Variants in NCOA1 observed in about 807,000 individuals in gnomAD.
NCOA1 encodes Hin-2 protein.
NCOA1 carries 35 observed loss-of-function variants against 150.9 expected under a neutral mutation model. The ratio of observed to expected loss-of-function variants is 0.23; its 90% CI spans 0.18 to 0.31. NCOA1 has a LOEUF of 0.31. Ranked by LOEUF, NCOA1 falls within the 10% of genes least tolerant of loss-of-function variation. The pLI, the probability that NCOA1 is intolerant of heterozygous loss-of-function variation, is 1.00. For synonymous variants in NCOA1, 590 were observed against 630.0 expected (o/e 0.94, Z 0.95); for missense variants, 1,491 against 1,749.3 (o/e 0.85, Z 2.63).
chr2:24,624,301 A>G (rs1669305503), intron 3 of NCOA1, among the ~76,000 whole-genome samples: 2 of 152,234 alleles, frequency 1.3e-5, no homozygotes, highest in Non-Finnish European at 1.5e-5. Flanking sequence ...GGATCCTTAA[A>G]CCAAAAGAAT....
intron 1 of NCOA1, among the ~76,000 whole-genome samples, chr2:24,523,751 C>A (rs1664532220): frequency 6.7e-6 from 1 of 149,706 alleles, no homozygotes; most frequent in Non-Finnish European, 1.5e-5. Context: ...CATGGTCAAA[C>A]CCCATCTCTA....
chr2:24,532,835 A>C (rs1434081116), intron 1 of NCOA1, among the ~76,000 whole-genome samples: 1 of 152,216 alleles, frequency 6.6e-6, no homozygotes, highest in Non-Finnish European at 1.5e-5. Flanking sequence ...TACCATTACC[A>C]TGCTGTTTTG....
intron 2 of NCOA1, among the ~76,000 whole-genome samples, chr2:24,576,170 GTTTTTTTTTTTTTTTTT>G: frequency 2.2e-5 from 1 of 46,302 alleles, no homozygotes; most frequent in East Asian, 6.8e-4. Flanking sequence ...TTTGTTTTTT[GTTTTTTTTTTTTTTTTT>G]TTTTGTTTGC....
chr2:24,743,657 T>G (rs755161530), intron 19 of NCOA1, among the ~76,000 whole-genome samples: 3 of 152,252 alleles, frequency 2.0e-5, no homozygotes, highest in Non-Finnish European at 4.4e-5. Flanking sequence ...GCTTTTTCAC[T>G]TTAGCCTGTG....
At chr2:24,717,877 A>T (rs994859877) in intron 14 of NCOA1, among the ~76,000 whole-genome samples, 6 of 152,006 alleles carry the variant, frequency 3.9e-5, no homozygotes, top group Non-Finnish European at 8.8e-5. Context: ...GAAAATGGCA[A>T]ATCAGCATGT....
In NCOA1 at chr2:24,492,751, A is replaced by C. The variant is rs551221593; in HGVS notation, c.-396+1149A>C. ...AGTAAAGGGTTCTTGAGTGAATTGCAGTCCCAGCACCCTCTGTGGATGCCA... is the reference window on the plus strand; with the variant it reads ...AGTAAAGGGTTCTTGAGTGAATTGCCGTCCCAGCACCCTCTGTGGATGCCA... On this transcript the variant is annotated intron_variant, in intron 1 of 22. Coordinates refer to ENST00000348332, the MANE Select transcript of NCOA1 (RefSeq NM_003743.5). Among the ~76,000 whole-genome samples the C allele has an allele frequency of 2.0e-4, 31 of 152,298 alleles. No homozygotes were observed. The South Asian group carries it at 6.4e-3, about 32-fold the overall frequency.
intron 22 of NCOA1, among the ~76,000 whole-genome samples, chr2:24,763,266 G>A (rs543588726): frequency 5.3e-5 from 8 of 152,190 alleles, no homozygotes; most frequent in Admixed American, 2.0e-4. Context: ...TGGGCCGGGC[G>A]CGGTGGCTCA....
At chr2:24,621,644 A>G (rs925272905) in intron 3 of NCOA1, among the ~76,000 whole-genome samples, 2 of 151,550 alleles carry the variant, frequency 1.3e-5, no homozygotes, top group African/African-American at 4.9e-5. Context: ...ATGCCCGGCT[A>G]ATTTTTTGTA....
intron 2 of NCOA1, among the ~76,000 whole-genome samples, chr2:24,576,323 A>G (rs1294639262): frequency 1.3e-5 from 2 of 151,982 alleles, no homozygotes; most frequent in African/African-American, 4.8e-5. Flanking sequence ...TCTTTCTGTT[A>G]GGCTAGTCCA....
At chr2:24,509,347 T>C (rs777370385) in intron 1 of NCOA1, among the ~76,000 whole-genome samples, 11 of 152,246 alleles carry the variant, frequency 7.2e-5, no homozygotes, top group South Asian at 4.1e-4. Flanking sequence ...CACTTTGTTC[T>C]TCTATATCTG....
intron 3 of NCOA1, among the ~76,000 whole-genome samples, chr2:24,602,713 T>A (rs1668178907): frequency 6.6e-6 from 1 of 152,126 alleles, no homozygotes; most frequent in Admixed American, 6.5e-5. Flanking sequence ...ATTTCTTTAA[T>A]CATTTTATAA....
At chr2:24,662,631 A>G (rs1671234011) in intron 5 of NCOA1, among the ~76,000 whole-genome samples, 5 of 152,216 alleles carry the variant, frequency 3.3e-5, no homozygotes, top group Admixed American at 2.6e-4. Context: ...AGCATTTTAC[A>G]TGTATTCTCT....
intron 2 of NCOA1, among the ~76,000 whole-genome samples, chr2:24,574,001 GAAATT>G (rs1399319649): frequency 5.3e-5 from 8 of 151,636 alleles, no homozygotes; most frequent in Admixed American, 3.9e-4. Context: ...AGAAAGGAAA[GAAATT>G]AATAAGATAA....
intron 3 of NCOA1, among the ~76,000 whole-genome samples, chr2:24,603,198 T>C (rs1390190414): frequency 6.6e-6 from 1 of 152,170 alleles, no homozygotes; most frequent in East Asian, 1.9e-4. Context: ...ATATATACCT[T>C]AATTAAAACA....
intron 14 of NCOA1, among the ~76,000 whole-genome samples, chr2:24,722,345 T>C (rs1259581835): frequency 6.6e-6 from 1 of 152,230 alleles, no homozygotes; most frequent in Non-Finnish European, 1.5e-5. Context: ...GATCAGAATG[T>C]GTACAGCATG....
chr2:24,674,438 C>T (rs1424821379), intron 7 of NCOA1, among the ~76,000 whole-genome samples: 1 of 152,058 alleles, frequency 6.6e-6, no homozygotes, highest in African/African-American at 2.4e-5. Flanking sequence ...GATCTCCTGA[C>T]GTCGTGATCC....
intron 6 of NCOA1, 91 bp downstream of exon 6, chr2:24,666,006 A>T (rs973499038): frequency 2.9e-6 from 2 of 701,520 alleles, no homozygotes; most frequent in African/African-American, 2.0e-5. Context: ...TATTATTATT[A>T]TTTTATTATT....
chr2:24,593,561 G>A (rs186136318), intron 3 of NCOA1, among the ~76,000 whole-genome samples: 117 of 152,090 alleles, frequency 7.7e-4, no homozygotes, highest in African/African-American at 2.6e-3. Flanking sequence ...ACTCTCACAT[G>A]GTTTTACTGT....
At chr2:24,673,732 G>C (rs968725861) in intron 7 of NCOA1, among the ~76,000 whole-genome samples, 2 of 152,114 alleles carry the variant, frequency 1.3e-5, no homozygotes. Context: ...TTTTATTTCT[G>C]TGGTGGTTAG....
Sources: allele counts gnomAD v4.1 joint callset (sites outside exome capture counted in the v4.1 genomes callset), GRCh38; gene constraint gnomAD v4.1.1; transcripts MANE v1.5; gene names NCBI Gene and HGNC (gene_info 2026-07-23, HGNC 2026-07-21).